ANPEP: variants seen among roughly 807,000 people sequenced by gnomAD.
ANPEP encodes the protein alanyl aminopeptidase, membrane, also known as aminopeptidase N.
ANPEP carries 70 observed loss-of-function variants against 114.6 expected under a neutral mutation model. The observed-to-expected ratio is 0.61, with a 90% CI of 0.50 to 0.75. ANPEP has a LOEUF of 0.75. Ranked by LOEUF, ANPEP falls within the 30% of genes least tolerant of loss-of-function variation. The probability of loss-of-function intolerance (pLI) is 0.00; values close to 1 mark genes in which losing one functional copy is unlikely to be tolerated. For synonymous variants in ANPEP, 548 were observed against 522.3 expected (o/e 1.05, Z -0.67); for missense variants, 1,184 against 1,259.5 (o/e 0.94, Z 0.91).
chr15:89,807,926 A>G (rs1468946074), intron 1 of ANPEP, among the ~76,000 whole-genome samples: 35 of 152,278 alleles, frequency 2.3e-4, no homozygotes, highest in Admixed American at 2.0e-3. Context: ...CCATCGCAAG[A>G]TGCACTTGGT....
intron 20 of ANPEP, among the ~76,000 whole-genome samples, chr15:89,789,206 C>T (rs551942469): frequency 1.2e-4 from 18 of 151,794 alleles, no homozygotes; most frequent in Non-Finnish European, 2.1e-4. Context: ...TCTGGAACTC[C>T]CGACCTCAGG....
intron 4 of ANPEP, 58 bp downstream of exon 4, chr15:89,805,020 G>C: frequency 1.2e-6 from 2 of 1,609,744 alleles, no homozygotes; most frequent in Non-Finnish European, 1.7e-6. Flanking sequence ...AAGAGAACGG[G>C]AAGACCCCTC....
At chr15:89,792,396 CG>C in intron 17 of ANPEP, 55 bp downstream of exon 17, 2 of 1,612,464 alleles carry the variant, frequency 1.2e-6, no homozygotes, top group Non-Finnish European at 1.7e-6. Context: ...CTGCTGAGGA[CG>C]GGGCTGTTGG....
At chr15:89,801,646 C>A in intron 10 of ANPEP, 39 bp from the exon 11 acceptor site, 3 of 1,596,646 alleles carry the variant, frequency 1.9e-6, no homozygotes, top group Non-Finnish European at 1.7e-6. Flanking sequence ...TCAGTGGGAC[C>A]CTCCAGTCCC....
At chr15:89,786,549 C>T (rs1472945415) in intron 20 of ANPEP, among the ~76,000 whole-genome samples, 3 of 151,884 alleles carry the variant, frequency 2.0e-5, no homozygotes, top group Admixed American at 6.6e-5. Context: ...GAACATTAGC[C>T]GGGCATGGTG....
intron 18 of ANPEP, among the ~76,000 whole-genome samples, chr15:89,791,402 C>A (rs534053071): frequency 7.8e-4 from 117 of 150,542 alleles, no homozygotes; most frequent in Non-Finnish European, 1.4e-3. Context: ...CCGTCTTTGA[C>A]ACTGAGGGTG....
At chr15:89,814,124 G>A (rs548381651) in intron 1 of ANPEP, among the ~76,000 whole-genome samples, 3 of 152,178 alleles carry the variant, frequency 2.0e-5, no homozygotes, top group Non-Finnish European at 2.9e-5. Flanking sequence ...CAGGGAGGGC[G>A]TGGAATAGGC....
chr15:89,787,565 A>G (rs1968531200), intron 20 of ANPEP, among the ~76,000 whole-genome samples: 1 of 152,228 alleles, frequency 6.6e-6, no homozygotes, highest in Non-Finnish European at 1.5e-5. Flanking sequence ...GTGAGTGAAA[A>G]GACAGTCCAT....
Position 89,804,422 on chromosome 15 carries a change from C to A in ANPEP, c.1025-15G>T. 4 of 1,614,132 alleles carry A rather than the reference C, an allele frequency of 2.5e-6. No individual in the cohort carries two copies. The highest frequency in any genetic ancestry group is 3.4e-6 in the Non-Finnish European group (4 of 1,179,962). On this transcript the variant is annotated splice_polypyrimidine_tract_variant and intron_variant, in intron 5 of 20. Transcript: ENST00000300060. ...GCCAATCTGGTCTGGGGAGGCGATG[C>A]CATTGGCAGGATGAACTCCGGGAGT...
In ANPEP at chr15:89,791,046, G is replaced by C. The variant is rs1167605717; in HGVS notation, c.2576C>G (p.Ala859Gly). 1.2e-6 allele frequency: 2 copies of C among 1,614,224 alleles called. No homozygotes were observed. Among genetic ancestry groups the C allele is most frequent in the South Asian group, 2.2e-5 (2 of 91,086 alleles). Residue 859 changes from alanine (A) to glycine (G), a missense_variant, in exon 19 of 21, where the codon GCC (alanine) becomes GGC (glycine). Coordinates refer to ENST00000300060, the MANE Select transcript of ANPEP (RefSeq NM_001150.3). Reference protein sequence around the residue: ...LNPDLIRKQDATSTIISITNN... With the variant: ...LNPDLIRKQDGTSTIISITNN... ...GGTAATGCTGATGATGGTAGAGGTG[G>C]CGTCCTGCTTCCGGATTAAGTCCGG...
In ANPEP at chr15:89,805,066, C is replaced by A; in HGVS notation, c.897+12G>T. On this transcript the variant is annotated intron_variant, in intron 4 of 20. Transcript: ENST00000300060. ...CAGCCCACGTGAAGGAGAGATGGGCCCAGCCTCATACCAAGACACCATTGG... is the reference window on the plus strand; with the variant it reads ...CAGCCCACGTGAAGGAGAGATGGGCACAGCCTCATACCAAGACACCATTGG... 6.2e-7 allele frequency: 1 copy of A among 1,614,186 alleles called. No individual in the cohort carries two copies. Among genetic ancestry groups the A allele is most frequent in the Non-Finnish European group, 8.5e-7 (1 of 1,180,016 alleles).
At position 89,811,448 on chromosome 15, in the gene ANPEP, C is replaced by T. The variant is rs894656970; in HGVS notation, c.-224+3324G>A. Reference sequence around the variant, plus strand: ...GATCACGAGGTCAGCAGATCGAGACCATCCTGGCTAACACGGTGAAACCTC... The same window carrying T: ...GATCACGAGGTCAGCAGATCGAGACTATCCTGGCTAACACGGTGAAACCTC... On this transcript the variant is annotated intron_variant, in intron 1 of 20. Transcript: ENST00000300060. Among the ~76,000 whole-genome samples, 9 of 151,818 alleles carry T rather than the reference C, an allele frequency of 5.9e-5. No individual in the cohort carries two copies. In the South Asian group the frequency reaches 1.2e-3, roughly 21 times the overall value.
chr15:89,800,261 C>T (rs549731834), intron 12 of ANPEP, among the ~76,000 whole-genome samples: 1 of 152,326 alleles, frequency 6.6e-6, no homozygotes, highest in East Asian at 1.9e-4. Flanking sequence ...GATTCCTACT[C>T]TTCCTCTAAG....
At chr15:89,795,247 G>A (rs1284004409) in intron 15 of ANPEP, among the ~76,000 whole-genome samples, 2 of 152,280 alleles carry the variant, frequency 1.3e-5, no homozygotes, top group East Asian at 3.9e-4. Flanking sequence ...GTGAGGTGGT[G>A]TGCAAAGCTG....
At chr15:89,804,814 T>G in intron 4 of ANPEP, 197 bp from the exon 5 acceptor site, 1 of 857,976 alleles carries the variant, frequency 1.2e-6, no homozygotes, top group Non-Finnish European at 1.8e-6. Flanking sequence ...GAGAAGGGCC[T>G]TTGGAGAATA....
intron 1 of ANPEP, among the ~76,000 whole-genome samples, chr15:89,808,400 A>T (rs1453933218): frequency 1.3e-5 from 2 of 152,242 alleles, no homozygotes; most frequent in Non-Finnish European, 2.9e-5. Flanking sequence ...CTGTGTGGTG[A>T]TAACTTGAGT....
Position 89,796,140 on chromosome 15 carries a change from T to C in ANPEP, c.2157+1435A>G, listed in dbSNP as rs181556079. On this transcript the variant is annotated intron_variant, in intron 15 of 20. Transcript: ENST00000300060. ...CTGAGGCAGGAGGATCCCTTGAGCC[T>C]AGGTATTTGAGGCTGCAGTGAAGCT... Among the ~76,000 whole-genome samples the C allele has an allele frequency of 6.4e-4, 97 of 152,304 alleles. 3 individuals carry two copies. In the Middle Eastern group the frequency reaches 0.01, roughly 16 times the overall value.
intron 14 of ANPEP, among the ~76,000 whole-genome samples, chr15:89,798,835 G>C (rs1000821360): frequency 8.5e-5 from 13 of 152,198 alleles, no homozygotes; most frequent in African/African-American, 3.1e-4. Context: ...AGCAACTCGG[G>C]AGGCTGAGGC....
In ANPEP at chr15:89,792,393, G is replaced by A. The variant is rs1004212556; in HGVS notation, c.2360+59C>T. The A allele has an allele frequency of 5.0e-6, 8 of 1,612,762 alleles. No individual in the cohort carries two copies. In the African/African-American group the frequency reaches 9.3e-5, roughly 19 times the overall value. ...GGAGGGTGGGACAGGGTTCTGCTGA[G>A]GACGGGGCTGTTGGGGGCAGATGAA... On this transcript the variant is annotated intron_variant, in intron 17 of 20. Transcript: ENST00000300060.
Sources: allele counts gnomAD v4.1 joint callset (sites outside exome capture counted in the v4.1 genomes callset), GRCh38; gene constraint gnomAD v4.1.1; transcripts MANE v1.5; gene names NCBI Gene and HGNC (gene_info 2026-07-23, HGNC 2026-07-21).